C4orf54: variants seen among roughly 807,000 people sequenced by gnomAD.
C4orf54 encodes uncharacterized protein C4orf54.
In C4orf54, 67 loss-of-function variants were observed where a neutral mutation model predicts 80.1. The observed-to-expected ratio is 0.84, with a 90% CI of 0.69 to 1.03. The LOEUF (loss-of-function observed/expected upper bound fraction) is 1.03, where lower values mean the gene tolerates loss of function less well. Ranked by LOEUF, C4orf54 falls within the 50% of genes least tolerant of loss-of-function variation. The pLI is 0.00. For missense variants in C4orf54, 2,434 were observed against 2,253.5 expected, an observed-to-expected ratio of 1.08 and a Z score of -1.62; for synonymous variants, 1,000 against 917.0, an observed-to-expected ratio of 1.09 and a Z score of -1.64.
At position 99,637,008 on chromosome 4, in the gene C4orf54, C is replaced by T. The variant is rs1231987394; in HGVS notation, c.*4225G>A. On this transcript the variant is annotated 3_prime_UTR_variant, in exon 3 of 3. Coordinates refer to ENST00000511828, the MANE Select transcript of C4orf54 (RefSeq NM_001354435.2). ...GTGTTCACATTCTTTTCAACCACTG[C>T]TGTCTTTAATATACAATAGTATGAT... 2.0e-5 allele frequency: 3 copies of T among 152,138 alleles called. No homozygotes were observed. The highest frequency in any genetic ancestry group is 4.4e-5 in the Non-Finnish European group (3 of 68,020). 9.4% of individuals were successfully genotyped at this position (152,138 alleles called of 1,614,324 possible). A position where few individuals can be genotyped will look rare whatever the true frequency, so the allele number is the denominator to read the frequency against.
rs373585508 is a variant in C4orf54, at chr4:99,650,127, G to T, written c.4522C>A (p.Pro1508Thr). The T allele has an allele frequency of 5.9e-5, 90 of 1,535,960 alleles. No homozygotes were observed. The highest frequency in any genetic ancestry group is 3.9e-5 in the Non-Finnish European group (45 of 1,146,858). Residue 1508 changes from proline (P) to threonine (T), a missense_variant, in exon 2 of 3, where the codon CCG becomes ACG. Coordinates refer to ENST00000511828, the MANE Select transcript of C4orf54 (RefSeq NM_001354435.2). ...SSAATLCSLP[P>T]LSARSQVPSS... is the part of the protein sequence containing the mutation. ...GGGACCTGACTGCGGGCACTCAGCG[G>T]GGGTAAACTACAGAGAGTGGCAGCT...
chr4:99,655,128 A>C (rs1023608437), intron 1 of C4orf54, among the ~76,000 whole-genome samples: 9 of 152,178 alleles, frequency 5.9e-5, no homozygotes, highest in African/African-American at 2.2e-4. Flanking sequence ...TTTCATAAGA[A>C]TAGAATATTC....
chr4:99,639,131 A>G lies in C4orf54; in HGVS notation c.*2102T>C, dbSNP rs1325458440. 6.6e-6 allele frequency: 1 copy of G among 152,152 alleles called. No individual in the cohort carries two copies. Among genetic ancestry groups the G allele is most frequent in the Non-Finnish European group, 1.5e-5 (1 of 68,000 alleles). The allele number at this position is 152,152 out of a possible 1,614,324, so 9.4% of individuals were successfully genotyped here. On this transcript the variant is annotated 3_prime_UTR_variant, in exon 3 of 3. Coordinates refer to ENST00000511828, the MANE Select transcript of C4orf54 (RefSeq NM_001354435.2). ...CTCTCTTTTGGAAGAGTTGGTGAGCAGTCACTACTCAACATGGCCACTGGT... is the reference window on the plus strand; with the variant it reads ...CTCTCTTTTGGAAGAGTTGGTGAGCGGTCACTACTCAACATGGCCACTGGT...
In C4orf54 at chr4:99,657,636, C is replaced by T. The variant is rs1477483496; in HGVS notation, c.-173G>A. Among the ~76,000 whole-genome samples, 3 of 152,118 alleles carry T rather than the reference C, an allele frequency of 2.0e-5. No individual in the cohort carries two copies. The East Asian group carries it at 5.8e-4, about 29-fold the overall frequency. ...CAAACCACAAATTCTCTTTAAAAAC[C>T]ATGTGAGCTGAAAATTTTGAATAGA... On this transcript the variant is annotated 5_prime_UTR_variant, in exon 1 of 3. An upstream start codon of the reference 5' UTR is lost. Coordinates refer to ENST00000511828, the MANE Select transcript of C4orf54 (RefSeq NM_001354435.2).
rs544276103 is a variant in C4orf54, at chr4:99,649,957, C to A, written c.4692G>T (p.Pro1564=). Residue 1564 remains proline, a synonymous_variant, in exon 2 of 3, where the codon CCG becomes CCT. Coordinates refer to ENST00000511828, the MANE Select transcript of C4orf54 (RefSeq NM_001354435.2). ...HPPTTIYHQP[P]LPFTLQGAQP... ...GGGCCCCCTGTAGGGTGAAGGGCAG[C>A]GGCGGCTGGTGGTAGATGGTGGTGG... 8 of 1,531,730 alleles carry A rather than the reference C, an allele frequency of 5.2e-6. No individual in the cohort carries two copies. The highest frequency in any genetic ancestry group is 6.1e-6 in the Non-Finnish European group (7 of 1,144,402). 94.9% of individuals were successfully genotyped at this position (1,531,730 alleles called of 1,614,324 possible). A position where few individuals can be genotyped will look rare whatever the true frequency, so the allele number is the denominator to read the frequency against.
rs568719483 is a variant in C4orf54, at chr4:99,640,374, C to T, written c.*859G>A. The T allele has an allele frequency of 3.3e-5, 5 of 151,926 alleles. No individual in the cohort carries two copies. The highest frequency in any genetic ancestry group is 2.1e-4 in the South Asian group (1 of 4,808). The allele number at this position is 151,926 out of a possible 1,614,324, so 9.4% of individuals were successfully genotyped here. On this transcript the variant is annotated 3_prime_UTR_variant, in exon 3 of 3. Coordinates refer to ENST00000511828, the MANE Select transcript of C4orf54 (RefSeq NM_001354435.2). Reference sequence around the variant, plus strand: ...GACTCTAAACAATCCATGAGAGACACGAGTATGCAACTATGGAGGGAATTA... The same window carrying T: ...GACTCTAAACAATCCATGAGAGACATGAGTATGCAACTATGGAGGGAATTA...
Position 99,645,850 on chromosome 4 carries a change from C to T in C4orf54, c.*36+3381G>A, listed in dbSNP as rs566558882. 1.3e-4 allele frequency among the ~76,000 whole-genome samples: 20 copies of T among 152,272 alleles called. 1 individual carries two copies. Among genetic ancestry groups the T allele is most frequent in the African/African-American group, 4.3e-4 (18 of 41,554 alleles). On this transcript the variant is annotated intron_variant, in intron 2 of 2. Transcript: ENST00000511828. ...TGGATTACTGCTGTAGCCATCTGGG[C>T]AGTTGGGTCCCAGGTGGTACACAGC...
chr4:99,643,176 C>T (rs1726634162), intron 2 of C4orf54, among the ~76,000 whole-genome samples: 1 of 152,160 alleles, frequency 6.6e-6, no homozygotes, highest in Non-Finnish European at 1.5e-5. Context: ...TTCAAGGGAG[C>T]TTGAACACCT....
chr4:99,647,514 T>C (rs1726720859), intron 2 of C4orf54, among the ~76,000 whole-genome samples: 1 of 152,230 alleles, frequency 6.6e-6, no homozygotes, highest in African/African-American at 2.4e-5. Context: ...TATTTGTCTT[T>C]AATTTTCTCC....
At chr4:99,645,148 C>G (rs539181326) in intron 2 of C4orf54, among the ~76,000 whole-genome samples, 8 of 152,124 alleles carry the variant, frequency 5.3e-5, no homozygotes, top group Admixed American at 4.6e-4. Context: ...GGTCACTTAA[C>G]CTCTCTGAGT....
At position 99,649,533 on chromosome 4, in the gene C4orf54, G is replaced by A. The variant is rs1356609803; in HGVS notation, c.5116C>T (p.Leu1706Phe). The change falls in exon 2 of 3, where the codon CTC (leucine) becomes TTC (phenylalanine). Residue 1706 changes from leucine (L) to phenylalanine (F), a missense_variant. Coordinates refer to ENST00000511828, the MANE Select transcript of C4orf54 (RefSeq NM_001354435.2). ...GAAGGTTCTGCCACCATTGGGGAGA[G>A]CTCACTTCCTCTTGGAGCGCGAGCA... Reference protein sequence around the residue: ...PIARAPRGSELSPMVAEPSSK... With the variant: ...PIARAPRGSEFSPMVAEPSSK... 5 of 1,536,182 alleles carry A rather than the reference G, an allele frequency of 3.3e-6. 1 individual carries two copies. The South Asian group carries it at 4.8e-5, about 15-fold the overall frequency.
In C4orf54 at chr4:99,638,347, CAT is replaced by C. The variant is rs1726547064; in HGVS notation, c.*2884_*2885del. ...CGAATTAAATTTTTATACGGTTACA[CAT>C]GTGTTCAGTTTTCCAGAAATGATTG... On this transcript the variant is annotated 3_prime_UTR_variant, in exon 3 of 3. Coordinates refer to ENST00000511828, the MANE Select transcript of C4orf54 (RefSeq NM_001354435.2). 6.6e-6 allele frequency: 1 copy of C among 152,066 alleles called. No homozygotes were observed. Among genetic ancestry groups the C allele is most frequent in the Non-Finnish European group, 1.5e-5 (1 of 67,980 alleles). The allele number at this position is 152,066 out of a possible 1,614,324, so 9.4% of individuals were successfully genotyped here.
In C4orf54 at chr4:99,649,844, T is replaced by C. The variant is rs1491242; in HGVS notation, c.4805A>G (p.Gln1602Arg). The change falls in exon 2 of 3, where the codon CAG becomes CGG. Residue 1602 changes from glutamine to arginine, a missense_variant. Gln to Arg is a conservative substitution (Grantham distance 43, BLOSUM62 1). Transcript: ENST00000511828. ...ACGCTGGGTCTGTTGAGGCTGTGCC[T>C]GCTGGAAGGGGTCTGTGGGGACGGG... The part of the protein sequence containing the change: ...SAPVPTDPFQ[Q>R]AQPQQTQRKM... 191,514 of 1,533,616 alleles carry C rather than the reference T, an allele frequency of 0.12. 13,042 individuals carry two copies. Among genetic ancestry groups the C allele is most frequent in the Middle Eastern group, 0.15 (893 of 5,984 alleles).
rs537298774 is a variant in C4orf54 at position 99,652,421 on chromosome 4, G to C, written c.2228C>G (p.Thr743Arg). 5.2e-6 allele frequency: 8 copies of C among 1,536,080 alleles called. No individual in the cohort carries two copies. The African/African-American group carries it at 1.1e-4, about 21-fold the overall frequency. The change falls in exon 2 of 3, where the codon ACG (threonine) becomes AGG (arginine). Residue 743 changes from threonine (T) to arginine (R), a missense_variant. By Grantham distance (71) the Thr-to-Arg change is moderately conservative. Coordinates refer to ENST00000511828, the MANE Select transcript of C4orf54 (RefSeq NM_001354435.2). The stretch of plus-strand genomic sequence containing the variant: ...CAAAAGGGTGACGACGCGGGAGCCC[G>C]TCTGGACCTGCTTCTGGAAACACAG... ...TPLCFQKQVQ[T>R]GSRVVTLLEP...
chr4:99,644,803 G>A (rs559514611), intron 2 of C4orf54, among the ~76,000 whole-genome samples: 2 of 146,840 alleles, frequency 1.4e-5, no homozygotes, highest in African/African-American at 5.1e-5. Flanking sequence ...GTGGTGGAAT[G>A]TTGAACTAAA....
Position 99,650,757 on chromosome 4 carries a change from C to T in C4orf54, c.3892G>A (p.Glu1298Lys), listed in dbSNP as rs1198043082. The T allele has an allele frequency of 6.5e-7, 1 of 1,536,092 alleles. No individual in the cohort carries two copies. Among genetic ancestry groups the T allele is most frequent in the East Asian group, 2.4e-5 (1 of 40,924 alleles). The change falls in exon 2 of 3, where the codon GAG (glutamate) becomes AAG (lysine). Residue 1298 changes from glutamate (E) to lysine (K), a missense_variant. Glu to Lys is a moderately conservative substitution (Grantham distance 56). Coordinates refer to ENST00000511828, the MANE Select transcript of C4orf54 (RefSeq NM_001354435.2). ...SHVLSLIASEEREGVVVADGD... is the reference protein window; with the variant it reads ...SHVLSLIASEKREGVVVADGD... The stretch of plus-strand genomic sequence containing the variant: ...TCAGCAACCACTACCCCTTCCCTCT[C>T]CTCACTGGCAATGAGCGACAGCACG...
In C4orf54 at chr4:99,641,035, A is replaced by C. The variant is rs1200264690; in HGVS notation, c.*198T>G. 1 of 152,204 alleles carries C rather than the reference A, an allele frequency of 6.6e-6. No homozygotes were observed. The highest frequency in any genetic ancestry group is 1.5e-5 in the Non-Finnish European group (1 of 68,014). 9.4% of individuals were successfully genotyped at this position (152,204 alleles called of 1,614,324 possible). On this transcript the variant is annotated 3_prime_UTR_variant, in exon 3 of 3. Transcript: ENST00000511828. Reference sequence around the variant, plus strand: ...AAATTAAAATAAAAACTGCCTTAAGAGGATTGTTCAGAAAAATATAGAAAC... The same window carrying C: ...AAATTAAAATAAAAACTGCCTTAAGCGGATTGTTCAGAAAAATATAGAAAC...
Position 99,652,551 on chromosome 4 carries a change from C to A in C4orf54, c.2098G>T (p.Ala700Ser). The part of the protein sequence containing the change: ...AGLRKGSGAR[A>S]TADQLYIQSK... ...TGGATGTAGAGCTGGTCGGCAGTGGCCCGGGCCCCACTGCCCTTCCTCAGA... is the reference window on the plus strand; with the variant it reads ...TGGATGTAGAGCTGGTCGGCAGTGGACCGGGCCCCACTGCCCTTCCTCAGA... The change falls in exon 2 of 3, where the codon GCC (alanine) becomes TCC (serine). Residue 700 changes from alanine (A) to serine (S), a missense_variant. Ala to Ser is a moderately conservative substitution (Grantham distance 99). Transcript: ENST00000511828. 1 of 1,536,078 alleles carries A rather than the reference C, an allele frequency of 6.5e-7. No individual in the cohort carries two copies.
chr4:99,651,933 G>T lies in C4orf54; in HGVS notation c.2716C>A (p.Arg906Ser). Residue 906 changes from arginine (R) to serine (S), a missense_variant, in exon 2 of 3, where the codon CGC becomes AGC. Transcript: ENST00000511828. ...AAATTCCGGCCAGGGCCTGCGTTGC[G>T]CTCGCGAGGAGTACTGGCTTTGAAG... ...PVFKASTPRE[R>S]NAGPGRNFTD... The T allele has an allele frequency of 6.5e-7, 1 of 1,536,118 alleles. No individual in the cohort carries two copies. The highest frequency in any genetic ancestry group is 8.7e-7 in the Non-Finnish European group (1 of 1,146,910).
Sources: allele counts gnomAD v4.1 joint callset (sites outside exome capture counted in the v4.1 genomes callset), GRCh38; gene constraint gnomAD v4.1.1; transcripts MANE v1.5; gene names NCBI Gene and HGNC (gene_info 2026-07-23, HGNC 2026-07-21).